Variants in CALCR observed in about 807,000 individuals in gnomAD.
The protein encoded by CALCR is calcitonin receptor.
A neutral mutation model predicts 59.5 loss-of-function variants in CALCR; 47 were observed. That is an observed-to-expected ratio of 0.79 (90% CI 0.63 to 1.01). CALCR has a LOEUF of 1.01. Ranked by LOEUF, CALCR falls within the 50% of genes least tolerant of loss-of-function variation. CALCR has a pLI of 0.00. For synonymous variants in CALCR, 213 were observed against 211.3 expected (o/e 1.01, Z -0.07); for missense variants, 566 against 597.1 (o/e 0.95, Z 0.54).
intron 8 of CALCR, among the ~76,000 whole-genome samples, chr7:93,454,894 C>A (rs772359372): frequency 6.9e-6 from 1 of 145,666 alleles, no homozygotes; most frequent in Non-Finnish European, 1.5e-5. Flanking sequence ...GGATTCTCCA[C>A]TGACAGTGAG....
chr7:93,530,775 A>C (rs918572879), intron 2 of CALCR, among the ~76,000 whole-genome samples: 8 of 152,094 alleles, frequency 5.3e-5, no homozygotes, highest in Non-Finnish European at 7.4e-5. Flanking sequence ...TTCTTTGCTT[A>C]TTTTTAAACT....
chr7:93,488,582 G>GC lies in CALCR; in HGVS notation c.-26-1576_-26-1575insG, dbSNP rs770479251. Among the ~76,000 whole-genome samples the GC allele has an allele frequency of 4.1e-4, 32 of 78,028 alleles. 1 individual carries two copies. The highest frequency in any genetic ancestry group is 4.5e-4 in the Admixed American group (3 of 6,694). 51.2% of individuals were successfully genotyped at this position (78,028 alleles called of 152,430 possible). On this transcript the variant is annotated intron_variant, in intron 2 of 13. Coordinates refer to ENST00000426151, the MANE Select transcript of CALCR (RefSeq NM_001742.4). ...GGAAAATTTACCAAGCAAATGGAAA[G>GC]AAAAAAAAAAAAAAAAAAAGCATGG...
At chr7:93,437,215 A>T (rs903784153) in intron 11 of CALCR, among the ~76,000 whole-genome samples, 5 of 152,178 alleles carry the variant, frequency 3.3e-5, no homozygotes, top group Non-Finnish European at 7.3e-5. Flanking sequence ...TAGATAATTA[A>T]GGCAAGAAAT....
intron 2 of CALCR, among the ~76,000 whole-genome samples, chr7:93,564,026 T>C (rs534915355): frequency 3.1e-4 from 47 of 152,370 alleles, no homozygotes; most frequent in African/African-American, 1.1e-3. Flanking sequence ...ATTGTTATTA[T>C]TGAAATATTT....
intron 2 of CALCR, among the ~76,000 whole-genome samples, chr7:93,553,385 G>A (rs945054189): frequency 2.0e-5 from 3 of 152,114 alleles, no homozygotes; most frequent in African/African-American, 7.2e-5. Context: ...ACAGAAGTTT[G>A]GTCCAGATAA....
chr7:93,470,640 C>A (rs1256121680), intron 6 of CALCR, among the ~76,000 whole-genome samples: 3 of 151,360 alleles, frequency 2.0e-5, no homozygotes, highest in Non-Finnish European at 1.5e-5. Context: ...GTGTCATTCT[C>A]AAGGTTGACT....
chr7:93,433,696 ACT>A (rs1004673576), intron 13 of CALCR, among the ~76,000 whole-genome samples: 5 of 152,194 alleles, frequency 3.3e-5, no homozygotes, highest in Admixed American at 2.6e-4. Flanking sequence ...AGAAAGGGTA[ACT>A]CTGGCTAAAA....
intron 2 of CALCR, among the ~76,000 whole-genome samples, chr7:93,570,575 T>G (rs1317012724): frequency 1.3e-5 from 2 of 152,188 alleles, no homozygotes; most frequent in Non-Finnish European, 2.9e-5. Flanking sequence ...AGATTATCTG[T>G]GTTATTCTGG....
chr7:93,476,286 G>T (rs1449589457), intron 5 of CALCR, among the ~76,000 whole-genome samples: 1 of 151,672 alleles, frequency 6.6e-6, no homozygotes, highest in East Asian at 2.0e-4. Flanking sequence ...TTTCAATACA[G>T]TTCTTCACTC....
At chr7:93,465,876 A>G (rs1800430757) in intron 7 of CALCR, among the ~76,000 whole-genome samples, 1 of 151,840 alleles carries the variant, frequency 6.6e-6, no homozygotes, top group Admixed American at 6.6e-5. Context: ...TTAGTGAAGT[A>G]TTGGCAGTTC....
At chr7:93,566,330 T>C (rs1360164341) in intron 2 of CALCR, among the ~76,000 whole-genome samples, 1 of 152,144 alleles carries the variant, frequency 6.6e-6, no homozygotes, top group African/African-American at 2.4e-5. Flanking sequence ...TCCTGAACTA[T>C]TCCAGGTTAT....
intron 2 of CALCR, among the ~76,000 whole-genome samples, chr7:93,558,826 C>T (rs917513198): frequency 2.6e-5 from 4 of 151,964 alleles, no homozygotes; most frequent in Non-Finnish European, 4.4e-5. Flanking sequence ...GGAAGGAATG[C>T]GAGCTTGATA....
rs546474022 is a variant in CALCR at position 93,459,794 on chromosome 7, G to C, written c.648+1027C>G. Among the ~76,000 whole-genome samples, 4 of 152,240 alleles carry C rather than the reference G, an allele frequency of 2.6e-5. No homozygotes were observed. The South Asian group carries it at 8.3e-4, about 32-fold the overall frequency. ...ATGGGTTATTCTGAACAACTCTCAG[G>C]ACAATTCTGGTAGGAAAAATCCAGA... On this transcript the variant is annotated intron_variant, in intron 8 of 13. Coordinates refer to ENST00000426151, the MANE Select transcript of CALCR (RefSeq NM_001742.4).
At chr7:93,529,570 T>C (rs569491196) in intron 2 of CALCR, among the ~76,000 whole-genome samples, 70 of 152,318 alleles carry the variant, frequency 4.6e-4, no homozygotes, top group African/African-American at 1.5e-3. Context: ...TTTATTTTTA[T>C]TATTTTTCAT....
At chr7:93,541,256 C>G (rs1789129519) in intron 2 of CALCR, among the ~76,000 whole-genome samples, 1 of 152,156 alleles carries the variant, frequency 6.6e-6, no homozygotes, top group African/African-American at 2.4e-5. Flanking sequence ...TCACTGCAAC[C>G]TCTGCCTCCC....
intron 2 of CALCR, among the ~76,000 whole-genome samples, chr7:93,491,857 T>A (rs569553655): frequency 6.6e-6 from 1 of 151,868 alleles, no homozygotes; most frequent in Non-Finnish European, 1.5e-5. Flanking sequence ...TCCTCAAGGA[T>A]CTAGAACCAG....
At chr7:93,558,679 T>C (rs1174637008) in intron 2 of CALCR, among the ~76,000 whole-genome samples, 1 of 152,090 alleles carries the variant, frequency 6.6e-6, no homozygotes, top group Non-Finnish European at 1.5e-5. Context: ...ATTTGGAATA[T>C]TGGAAAGAAA....
chr7:93,440,958 A>T (rs9640613), intron 9 of CALCR, among the ~76,000 whole-genome samples: 17,122 of 152,126 alleles, frequency 0.11, 1,444 homozygotes, highest in East Asian at 0.46. Flanking sequence ...TCACATAAAC[A>T]ATTTACTTAT....
At chr7:93,571,163 T>C (rs1246456557) in intron 2 of CALCR, among the ~76,000 whole-genome samples, 1 of 150,940 alleles carries the variant, frequency 6.6e-6, no homozygotes, top group African/African-American at 2.5e-5. Context: ...TAACACTCAT[T>C]ATATGAAGCT....
Sources: allele counts gnomAD v4.1 joint callset (sites outside exome capture counted in the v4.1 genomes callset), GRCh38; gene constraint gnomAD v4.1.1; transcripts MANE v1.5; gene names NCBI Gene and HGNC (gene_info 2026-07-23, HGNC 2026-07-21).